The following PLEKHG1 variants were observed in gnomAD, a reference collection of about 807,000 sequenced individuals.
PLEKHG1 encodes the protein pleckstrin homology domain-containing family G member 1.
A neutral mutation model predicts 100.8 loss-of-function variants in PLEKHG1; 44 were observed. The ratio of observed to expected loss-of-function variants is 0.44; its 90% CI spans 0.34 to 0.56. PLEKHG1 has a LOEUF of 0.56. Among genes scored for constraint, PLEKHG1 ranks in the 20% least tolerant of loss-of-function variants. PLEKHG1 has a pLI of 0.01. For missense variants in PLEKHG1, 1,545 were observed against 1,720.9 expected, an observed-to-expected ratio of 0.90 and a Z score of 1.81; for synonymous variants, 640 against 662.5, an observed-to-expected ratio of 0.97 and a Z score of 0.52.
rs372321479 is a variant in PLEKHG1, at chr6:150,612,674, A to G, written c.-204+12657A>G. Among the ~76,000 whole-genome samples the G allele has an allele frequency of 5.6e-4, 85 of 152,290 alleles. 1 individual carries two copies. Among genetic ancestry groups the G allele is most frequent in the African/African-American group, 1.9e-3 (77 of 41,562 alleles). ...AAGACTTCTTCTAACGGTTCAACCC[A>G]AAGGGAAGGGTGAGGGTGCAATTTA... On this transcript the variant is annotated intron_variant, in intron 1 of 3. Coordinates refer to the PLEKHG1 transcript ENST00000367326.
chr6:150,796,653 T>C (rs377440904), intron 5 of PLEKHG1, among the ~76,000 whole-genome samples: 8 of 152,046 alleles, frequency 5.3e-5, no homozygotes, highest in African/African-American at 1.7e-4. Flanking sequence ...TCCAGAGACA[T>C]TGAGGGATTT....
At chr6:150,630,337 G>A (rs550617631) in intron 1 of PLEKHG1, among the ~76,000 whole-genome samples, 5 of 152,310 alleles carry the variant, frequency 3.3e-5, no homozygotes, top group African/African-American at 1.2e-4. Context: ...TGGCCAGGAG[G>A]TGACTGTACC....
At chr6:150,649,961 G>A (rs548120478) in intron 2 of PLEKHG1, among the ~76,000 whole-genome samples, 2 of 151,876 alleles carry the variant, frequency 1.3e-5, no homozygotes, top group East Asian at 1.9e-4. Flanking sequence ...GCAGTAAGCC[G>A]AGATGGCGCC....
intron 13 of PLEKHG1, among the ~76,000 whole-genome samples, chr6:150,822,150 CAAAAAA>C (rs58672381): frequency 2.7e-5 from 1 of 36,700 alleles, no homozygotes; most frequent in African/African-American, 9.2e-5. Context: ...CCAAAGGACT[CAAAAAA>C]AAAAAAAAAA....
exon 16 of PLEKHG1, chr6:150,840,721 G>A (rs754481715): frequency 2.0e-5 from 33 of 1,613,956 alleles, no homozygotes; most frequent in East Asian, 6.7e-5. Context: ...AATAGTCCGC[G>A]CACTCCAAAA....
At chr6:150,623,030 T>C (rs1777369799) in intron 1 of PLEKHG1, among the ~76,000 whole-genome samples, 1 of 152,068 alleles carries the variant, frequency 6.6e-6, no homozygotes, top group African/African-American at 2.4e-5. Flanking sequence ...TTTTTTTTTT[T>C]TTTCTCTGTA....
chr6:150,736,646 A>G (rs772258395), intron 2 of PLEKHG1, among the ~76,000 whole-genome samples: 1 of 152,036 alleles, frequency 6.6e-6, no homozygotes, highest in Non-Finnish European at 1.5e-5. Context: ...GTGCATGCCT[A>G]TAATCCCAGC....
At chr6:150,621,738 T>A (rs1777309971) in intron 1 of PLEKHG1, among the ~76,000 whole-genome samples, 1 of 152,206 alleles carries the variant, frequency 6.6e-6, no homozygotes, top group South Asian at 2.1e-4. Context: ...TAAATGAGTG[T>A]AGATGATGTT....
chr6:150,820,242 C>T (rs1179386901), intron 12 of PLEKHG1, among the ~76,000 whole-genome samples: 1 of 151,966 alleles, frequency 6.6e-6, no homozygotes, highest in Admixed American at 6.6e-5. Flanking sequence ...CTTAATGTTT[C>T]CCAGTGACTA....
intron 15 of PLEKHG1, among the ~76,000 whole-genome samples, chr6:150,835,102 GC>G (rs1218974961): frequency 2.0e-5 from 3 of 152,190 alleles, no homozygotes; most frequent in African/African-American, 7.2e-5. Flanking sequence ...AAACTCTCGA[GC>G]ATCTTTATTG....
chr6:150,677,204 A>G (rs1367800925), intron 3 of PLEKHG1, among the ~76,000 whole-genome samples: 2 of 152,014 alleles, frequency 1.3e-5, no homozygotes, highest in Non-Finnish European at 2.9e-5. Context: ...ATTCAGTCCA[A>G]AGTCTTTACT....
intron 7 of PLEKHG1, 35 bp from the exon 9 acceptor site, chr6:150,809,070 C>T: frequency 1.3e-6 from 2 of 1,584,752 alleles, no homozygotes; most frequent in South Asian, 1.1e-5. Flanking sequence ...TGGCTTCTGC[C>T]TCCTGTAAAT....
intron 5 of PLEKHG1, among the ~76,000 whole-genome samples, chr6:150,797,786 G>T (rs1164944215): frequency 4.3e-5 from 5 of 117,358 alleles, no homozygotes; most frequent in African/African-American, 6.6e-5. Context: ...AGTGAACTGA[G>T]ATAGCACCAC....
chr6:150,769,006 A>G (rs535839432), intron 3 of PLEKHG1, among the ~76,000 whole-genome samples: 5 of 152,250 alleles, frequency 3.3e-5, no homozygotes, highest in African/African-American at 9.6e-5. Flanking sequence ...CTTCCACAAT[A>G]TGACATGAAC....
At chr6:150,636,236 A>C (rs1777991369) in intron 1 of PLEKHG1, among the ~76,000 whole-genome samples, 1 of 152,198 alleles carries the variant, frequency 6.6e-6, no homozygotes, top group South Asian at 2.1e-4. Context: ...TTTTTCTATA[A>C]GTAACAGTTT....
At chr6:150,674,397 G>T (rs1413123983) in intron 3 of PLEKHG1, among the ~76,000 whole-genome samples, 1 of 152,146 alleles carries the variant, frequency 6.6e-6, no homozygotes, top group African/African-American at 2.4e-5. Context: ...TACTGTTAAT[G>T]ACAAAGAATG....
At position 150,730,678 on chromosome 6, in the gene PLEKHG1, G is replaced by A. The variant is rs371598981; in HGVS notation, c.-98-2906G>A. Reference sequence around the variant, plus strand: ...AACACTTTGGGAGGCCGAGGTGGGTGGATCACCTGCGGTCAGGAGTTCGAG... The same window carrying A: ...AACACTTTGGGAGGCCGAGGTGGGTAGATCACCTGCGGTCAGGAGTTCGAG... On this transcript the variant is annotated intron_variant, in intron 1 of 15. Coordinates refer to ENST00000358517, the Ensembl canonical transcript of PLEKHG1. Among the ~76,000 whole-genome samples the A allele has an allele frequency of 9.3e-4, 142 of 152,246 alleles. 2 individuals carry two copies. In the East Asian group the frequency reaches 0.025, roughly 26 times the overall value.
Position 150,683,326 on chromosome 6 carries a change from C to T in PLEKHG1, c.-99+32540C>T, listed in dbSNP as rs893344407. 3.3e-5 allele frequency among the ~76,000 whole-genome samples: 5 copies of T among 152,310 alleles called. No homozygotes were observed. Among genetic ancestry groups the T allele is most frequent in the African/African-American group, 1.2e-4 (5 of 41,570 alleles). ...CAGCCTTCAGGATGATTCTGGTTTT[C>T]TAGATGTGTTTCCTTTCTCAGTGAG... On this transcript the variant is annotated intron_variant, in intron 3 of 3. Transcript: ENST00000367326. This position sits in a 1 kb window ranked among gnomAD's most constrained non-coding sequence, Gnocchi z 4.0.
In PLEKHG1 at chr6:150,831,726, T is replaced by G. The variant is rs1776943232; in HGVS notation, c.2615T>G (p.Leu872Arg). The change falls in exon 15 of 16, where the codon CTG becomes CGG. Residue 872 changes from leucine (L) to arginine (R), a missense_variant. Transcript: ENST00000358517. This position sits in a 1 kb window ranked among gnomAD's most constrained non-coding sequence, Gnocchi z 4.1. ...AGCAAGGATGATGTGCCAGACAGGC[T>G]GCACGCAGAGAGCACCCCTGAGCTG... 1 of 1,613,478 alleles carries G rather than the reference T, an allele frequency of 6.2e-7. No individual in the cohort carries two copies. The highest frequency in any genetic ancestry group is 8.5e-7 in the Non-Finnish European group (1 of 1,180,036).
Sources: allele counts gnomAD v4.1 joint callset (sites outside exome capture counted in the v4.1 genomes callset), GRCh38; gene constraint gnomAD v4.1.1; non-coding constraint Gnocchi (gnomAD v3.1); transcripts MANE v1.5; gene names NCBI Gene and HGNC (gene_info 2026-07-23, HGNC 2026-07-21).